Variants in SLC43A2 observed in about 807,000 individuals in gnomAD.
SLC43A2 encodes the protein large neutral amino acids transporter small subunit 4.
In SLC43A2, 38 loss-of-function variants were observed where a neutral mutation model predicts 63.2. The ratio of observed to expected loss-of-function variants is 0.60; its 90% CI spans 0.46 to 0.79. The LOEUF is 0.79. Ranked by LOEUF, SLC43A2 falls within the 30% of genes least tolerant of loss-of-function variation. SLC43A2 has a pLI of 0.00. For missense variants in SLC43A2, 644 were observed against 756.2 expected, an observed-to-expected ratio of 0.85 and a Z score of 1.74; for synonymous variants, 322 against 331.0, an observed-to-expected ratio of 0.97 and a Z score of 0.30.
chr17:1,571,011 G>A lies in SLC43A2; in HGVS notation c.*4593C>T, dbSNP rs2075840291. On this transcript the variant is annotated 3_prime_UTR_variant, in exon 14 of 14. Transcript: ENST00000301335. The surrounding 1 kb of genome is among the most constrained non-coding windows in gnomAD (Gnocchi z 5.2). The stretch of plus-strand genomic sequence containing the variant: ...CGGTCTGAGAAGGGTCGAGGTCTGG[G>A]TGCTGCTAGTGGCCCTGGCTCAGTC... 1 of 152,516 alleles carries A rather than the reference G, an allele frequency of 6.6e-6. No individual in the cohort carries two copies. The highest frequency in any genetic ancestry group is 2.4e-5 in the African/African-American group (1 of 41,476). 9.4% of individuals were successfully genotyped at this position (152,516 alleles called of 1,614,324 possible).
intron 2 of SLC43A2, among the ~76,000 whole-genome samples, chr17:1,625,835 C>A (rs1266307958): frequency 2.6e-5 from 4 of 152,078 alleles, no homozygotes; most frequent in African/African-American, 9.7e-5. Context: ...AGTGGAGTTA[C>A]CTGTCAAGTC....
At chr17:1,587,058 C>G in intron 9 of SLC43A2, 1 of 1,283,778 alleles carries the variant, frequency 7.8e-7, no homozygotes, top group East Asian at 2.6e-5. Context: ...CAGGCTCACT[C>G]CATGCCCAGC....
intron 12 of SLC43A2, 143 bp from the exon 13 acceptor site, chr17:1,576,863 G>GTTTTTT: frequency 1.7e-5 from 10 of 578,166 alleles, no homozygotes; most frequent in East Asian, 3.7e-5. Flanking sequence ...GGGCAGTTCT[G>GTTTTTT]TTTTTTTTTT....
At chr17:1,602,924 A>G (rs2151061553) in intron 5 of SLC43A2, among the ~76,000 whole-genome samples, 1 of 151,260 alleles carries the variant, frequency 6.6e-6, no homozygotes, top group Non-Finnish European at 1.5e-5. Flanking sequence ...ACACCCGGCT[A>G]ATTTTTGTAT....
intron 11 of SLC43A2, among the ~76,000 whole-genome samples, chr17:1,579,333 C>T (rs1004374726): frequency 1.4e-4 from 21 of 150,674 alleles, no homozygotes; most frequent in Admixed American, 1.3e-3. Context: ...TGGTGGCGGG[C>T]GCCTGTATTC....
Position 1,594,769 on chromosome 17 carries a change from C to T in SLC43A2, c.502-1490G>A, listed in dbSNP as rs563014786. 2.0e-3 allele frequency among the ~76,000 whole-genome samples: 301 copies of T among 151,618 alleles called. 1 individual carries two copies. Among genetic ancestry groups the T allele is most frequent in the East Asian group, 3.9e-3 (20 of 5,104 alleles). ...CACCCGGCTAATTTTTTTGTATTTTCAGTAGAGACGGGGTTTCACCACGTT... is the reference window on the plus strand; with the variant it reads ...CACCCGGCTAATTTTTTTGTATTTTTAGTAGAGACGGGGTTTCACCACGTT... On this transcript the variant is annotated intron_variant, in intron 5 of 13. Transcript: ENST00000301335.
At chr17:1,581,291 T>C (rs2076010004) in intron 11 of SLC43A2, among the ~76,000 whole-genome samples, 1 of 151,950 alleles carries the variant, frequency 6.6e-6, no homozygotes, top group Non-Finnish European at 1.5e-5. Context: ...CAGTGAGACC[T>C]ACATAAAACA....
At chr17:1,623,755 C>T (rs1481384638) in intron 2 of SLC43A2, among the ~76,000 whole-genome samples, 4 of 141,644 alleles carry the variant, frequency 2.8e-5, no homozygotes, top group Non-Finnish European at 4.7e-5. Context: ...CCAGGCTGTA[C>T]CCTCCTCTCC....
chr17:1,583,166 C>T lies in SLC43A2; in HGVS notation c.1350+38G>A, dbSNP rs2076046432. ...GTCTTTACATGTTCCTTCTGACTGC[C>T]CCACCTCCCACCTGCCCCTCCCACT... On this transcript the variant is annotated intron_variant, in intron 11 of 13. Transcript: ENST00000301335. This position sits in a 1 kb window ranked among gnomAD's most constrained non-coding sequence, Gnocchi z 5.5. 1 of 1,602,912 alleles carries T rather than the reference C, an allele frequency of 6.2e-7. No individual in the cohort carries two copies. The highest frequency in any genetic ancestry group is 8.5e-7 in the Non-Finnish European group (1 of 1,170,658).
At chr17:1,618,574 A>G (rs375182195) in intron 2 of SLC43A2, among the ~76,000 whole-genome samples, 1 of 152,214 alleles carries the variant, frequency 6.6e-6, no homozygotes, top group Admixed American at 6.5e-5. Context: ...GCGCAAAGAC[A>G]TGTCTAATCC....
chr17:1,613,224 C>A lies in SLC43A2; in HGVS notation c.472G>T (p.Gly158Trp). The A allele has an allele frequency of 6.2e-7, 1 of 1,613,962 alleles. No homozygotes were observed. Among genetic ancestry groups the A allele is most frequent in the African/African-American group, 1.3e-5 (1 of 74,904 alleles). Residue 158 changes from glycine to tryptophan, a missense_variant, in exon 5 of 14, where the codon GGG becomes TGG. Around this residue, in one of 3 missense-constraint regions of SLC43A2, gnomAD observed 528 missense variants for 623.6 expected, o/e 0.85. Coordinates refer to ENST00000301335, the MANE Select transcript of SLC43A2 (RefSeq NM_152346.3). ...AATGAGGTGAAGGTCATACACATCC[C>A]ACCAAAGCCATTCAGAGCCAGGGCG... The part of the protein sequence containing the change: ...FIALALNGFG[G>W]MCMTFTSLTL...
At chr17:1,620,941 G>C (rs181072559) in intron 2 of SLC43A2, among the ~76,000 whole-genome samples, 4 of 152,066 alleles carry the variant, frequency 2.6e-5, no homozygotes, top group Non-Finnish European at 4.4e-5. Context: ...GCTCACCCCC[G>C]GCCAGGCTGC....
At chr17:1,610,664 G>T (rs1429414319) in intron 5 of SLC43A2, among the ~76,000 whole-genome samples, 1 of 150,580 alleles carries the variant, frequency 6.6e-6, no homozygotes, top group African/African-American at 2.4e-5. Flanking sequence ...GATCTGTTGA[G>T]CCCAGGAGTT....
rs185685157 is a variant in SLC43A2, at chr17:1,580,256, T to A, written c.1351-1933A>T. 5.9e-5 allele frequency among the ~76,000 whole-genome samples: 9 copies of A among 152,314 alleles called. No individual in the cohort carries two copies. The East Asian group carries it at 1.7e-3, about 30-fold the overall frequency. On this transcript the variant is annotated intron_variant, in intron 11 of 13. Transcript: ENST00000301335. ...CTACTGTAGAAATACCACGTGTCAC[T>A]GTGACTCTCCAGTTCCACAGTCAGT...
intron 11 of SLC43A2, among the ~76,000 whole-genome samples, chr17:1,582,536 A>C (rs970199132): frequency 1.3e-4 from 20 of 152,290 alleles, no homozygotes; most frequent in Admixed American, 5.9e-4. Context: ...CAGCTGCTTG[A>C]GCCGATACAA....
At chr17:1,610,882 C>T (rs1238578163) in intron 5 of SLC43A2, among the ~76,000 whole-genome samples, 2 of 150,786 alleles carry the variant, frequency 1.3e-5, no homozygotes, top group African/African-American at 4.9e-5. Context: ...ATCTTGTCAC[C>T]CAGGCTGGAG....
At chr17:1,618,133 G>T (rs1234480620) in intron 2 of SLC43A2, among the ~76,000 whole-genome samples, 1 of 152,240 alleles carries the variant, frequency 6.6e-6, no homozygotes, top group Non-Finnish European at 1.5e-5. Context: ...AAGGTTACTG[G>T]AAAGGATGCG....
intron 3 of SLC43A2, 22 bp from the exon 4 acceptor site, chr17:1,615,056 A>G (rs1343486402): frequency 5.0e-6 from 8 of 1,613,426 alleles, no homozygotes; most frequent in African/African-American, 4.0e-5. Context: ...CAGAAACGCA[A>G]TGTTATTTAC....
At chr17:1,587,430 C>T (rs111403137) in intron 9 of SLC43A2, among the ~76,000 whole-genome samples, 36 of 152,254 alleles carry the variant, frequency 2.4e-4, no homozygotes, top group African/African-American at 7.7e-4. Flanking sequence ...CCAGCCAAGG[C>T]ATCTGACACC....
Sources: allele counts gnomAD v4.1 joint callset (sites outside exome capture counted in the v4.1 genomes callset), GRCh38; gene constraint gnomAD v4.1.1; regional missense constraint gnomAD v4.1.1; non-coding constraint Gnocchi (gnomAD v3.1); transcripts MANE v1.5; gene names NCBI Gene and HGNC (gene_info 2026-07-23, HGNC 2026-07-21).